Variants in ZNF568 observed in about 807,000 individuals in gnomAD.
The protein encoded by ZNF568 is p53 inhibitor of SCO2 activation.
Under a neutral mutation model 18.1 loss-of-function variants are expected in ZNF568, and 11 were observed. That is an observed-to-expected ratio of 0.61 (90% confidence interval 0.38 to 1.00). The LOEUF (loss-of-function observed/expected upper bound fraction) is 1.00. ZNF568 is among the 50% of genes least tolerant of loss of function. The pLI, the probability that ZNF568 is intolerant of heterozygous loss-of-function variation, is 0.01. For synonymous variants in ZNF568, 213 were observed against 246.6 expected (o/e 0.86, Z 1.28); for missense variants, 639 against 768.2 (o/e 0.83, Z 1.99).
intron 6 of ZNF568, among the ~76,000 whole-genome samples, chr19:36,962,313 A>T (rs1159966863): frequency 3.4e-5 from 2 of 58,860 alleles, no homozygotes; most frequent in African/African-American, 5.4e-5. Flanking sequence ...TTCCAGGTTT[A>T]AGACCCCCTT....
At chr19:36,963,554 G>A (rs1291896633) in intron 6 of ZNF568, among the ~76,000 whole-genome samples, 1 of 152,134 alleles carries the variant, frequency 6.6e-6, no homozygotes, top group African/African-American at 2.4e-5. Flanking sequence ...TATGAACAGC[G>A]TTTTATGAAA....
In ZNF568 at chr19:36,922,859, A is replaced by T; in HGVS notation, c.76+13A>T. On this transcript the variant is annotated intron_variant, in intron 3 of 6. Transcript: ENST00000333987. ...ATGGAAAGGAAAGGTGAGGTGGCTC[A>T]TAGGTGGACAGAGCTTAGGAGAGAA... 1.2e-6 allele frequency: 2 copies of T among 1,613,068 alleles called. No individual in the cohort carries two copies. Among genetic ancestry groups the T allele is most frequent in the Non-Finnish European group, 1.7e-6 (2 of 1,179,184 alleles).
intron 4 of ZNF568, among the ~76,000 whole-genome samples, chr19:36,996,140 A>G (rs2074469112): frequency 6.6e-6 from 1 of 152,252 alleles, no homozygotes; most frequent in Non-Finnish European, 1.5e-5. Context: ...TAAGGTGGGC[A>G]GATCGCTTGA....
downstream of ZNF568, among the ~76,000 whole-genome samples, chr19:36,956,211 A>G (rs2074105938): frequency 1.3e-5 from 2 of 152,176 alleles, no homozygotes; most frequent in Admixed American, 6.5e-5. Context: ...GGACTGAGGC[A>G]CTTGTGCTGC....
At chr19:36,992,957 A>T (rs922196724) in intron 4 of ZNF568, among the ~76,000 whole-genome samples, 1 of 152,216 alleles carries the variant, frequency 6.6e-6, no homozygotes, top group Admixed American at 6.5e-5. Context: ...CCATAGTGTA[A>T]CATATACCAG....
chr19:36,921,019 G>A (rs1181711883), intron 2 of ZNF568, among the ~76,000 whole-genome samples: 1 of 152,176 alleles, frequency 6.6e-6, no homozygotes, highest in Non-Finnish European at 1.5e-5. Flanking sequence ...ATACCATATA[G>A]CATAGGTGGG....
intron 6 of ZNF568, among the ~76,000 whole-genome samples, chr19:36,946,009 C>T (rs550649248): frequency 1.3e-4 from 19 of 151,984 alleles, no homozygotes; most frequent in East Asian, 1.2e-3. Flanking sequence ...GCAGGGGAAT[C>T]GCTTGAACCC....
At chr19:36,974,069 G>A (rs1279370061) in intron 6 of ZNF568, among the ~76,000 whole-genome samples, 1 of 152,120 alleles carries the variant, frequency 6.6e-6, no homozygotes, top group Non-Finnish European at 1.5e-5. Flanking sequence ...GACCCATAAA[G>A]GTGCCCCCAG....
At chr19:36,994,528 A>G (rs2074453214) in intron 4 of ZNF568, among the ~76,000 whole-genome samples, 1 of 152,028 alleles carries the variant, frequency 6.6e-6, no homozygotes, top group African/African-American at 2.4e-5. Flanking sequence ...AATTTGTTCA[A>G]TTGTTTGTGG....
At chr19:36,927,999 C>T (rs2073612933) in intron 4 of ZNF568, among the ~76,000 whole-genome samples, 1 of 144,136 alleles carries the variant, frequency 6.9e-6, no homozygotes, top group Non-Finnish European at 1.5e-5. Flanking sequence ...ACTGCAACCT[C>T]CACCTCCCGG....
At chr19:36,940,312 C>A (rs1337606014) in intron 6 of ZNF568, among the ~76,000 whole-genome samples, 1 of 152,160 alleles carries the variant, frequency 6.6e-6, no homozygotes, top group Non-Finnish European at 1.5e-5. Flanking sequence ...ACTTTAATAT[C>A]ATTTTCTAAT....
At chr19:36,982,585 A>G (rs1340325899), downstream of ZNF568, among the ~76,000 whole-genome samples, 1 of 152,142 alleles carries the variant, frequency 6.6e-6, no homozygotes, top group African/African-American at 2.4e-5. Flanking sequence ...AGGTGCCTGT[A>G]ATCCTAGCTA....
chr19:36,977,568 A>G (rs927404739), intron 7 of ZNF568, among the ~76,000 whole-genome samples: 1 of 152,154 alleles, frequency 6.6e-6, no homozygotes, highest in Non-Finnish European at 1.5e-5. Flanking sequence ...ATTTTTCTTC[A>G]GAATTCTGTA....
At chr19:36,991,117 G>A (rs2074420412) in intron 2 of ZNF568, 1 of 1,485,274 alleles carries the variant, frequency 6.7e-7, no homozygotes, top group South Asian at 1.3e-5. Flanking sequence ...TTTCTTTTAT[G>A]TTGTCTTAAA....
rs1338452356 is a variant in ZNF568, at chr19:36,916,531, T to A, written c.-316T>A. The A allele has an allele frequency of 1.3e-5, 2 of 152,418 alleles. No homozygotes were observed. Among genetic ancestry groups the A allele is most frequent in the Non-Finnish European group, 2.9e-5 (2 of 68,134 alleles). The allele number at this position is 152,418 out of a possible 1,614,324, so 9.4% of individuals were successfully genotyped here. A position where few individuals can be genotyped will look rare whatever the true frequency, so the allele number is the denominator to read the frequency against. ...GGACTCGCGGTTGACGGGACACGGA[T>A]CCTCTAAGGCCCAGAGTGTCCCGAG... On this transcript the variant is annotated 5_prime_UTR_variant, in exon 1 of 7. Transcript: ENST00000333987. This position sits in a 1 kb window ranked among gnomAD's most constrained non-coding sequence, Gnocchi z 5.3.
intron 6 of ZNF568, among the ~76,000 whole-genome samples, chr19:36,961,908 C>T (rs1361840705): frequency 2.2e-5 from 3 of 133,748 alleles, no homozygotes; most frequent in Non-Finnish European, 4.7e-5. Context: ...GACTTCTGGG[C>T]TCAAGCAGTC....
At chr19:36,934,150 T>C (rs1038734782) in intron 4 of ZNF568, among the ~76,000 whole-genome samples, 2 of 151,756 alleles carry the variant, frequency 1.3e-5, no homozygotes, top group Admixed American at 1.3e-4. Flanking sequence ...ATTTTGAGTC[T>C]TCTTGTCAGT....
At chr19:36,933,432 T>A (rs1183977326) in intron 4 of ZNF568, among the ~76,000 whole-genome samples, 2 of 151,884 alleles carry the variant, frequency 1.3e-5, no homozygotes, top group Non-Finnish European at 2.9e-5. Context: ...TGTTTGTTTG[T>A]TTTCAATGAT....
In ZNF568 at chr19:36,952,147, A is replaced by G; in HGVS notation, c.*1059A>G. The G allele has an allele frequency of 1.8e-6, 1 of 560,820 alleles. No individual in the cohort carries two copies. The highest frequency in any genetic ancestry group is 2.3e-6 in the Non-Finnish European group (1 of 444,330). 34.7% of individuals were successfully genotyped at this position (560,820 alleles called of 1,614,324 possible). On this transcript the variant is annotated 3_prime_UTR_variant, in exon 7 of 7. Coordinates refer to ENST00000333987, the MANE Select transcript of ZNF568 (RefSeq NM_198539.4). ...TGCATAAGAAATATATATATAATAT[A>G]TGTATGTATGTATAGCCAGATGCAG...
Sources: allele counts gnomAD v4.1 joint callset (sites outside exome capture counted in the v4.1 genomes callset), GRCh38; gene constraint gnomAD v4.1.1; non-coding constraint Gnocchi (gnomAD v3.1); transcripts MANE v1.5; gene names NCBI Gene and HGNC (gene_info 2026-07-23, HGNC 2026-07-21).